COL23A1: variants seen among roughly 807,000 people sequenced by gnomAD.
The protein encoded by COL23A1 is collagen alpha-1(XXIII) chain.
A neutral mutation model predicts 99.3 loss-of-function variants in COL23A1; 97 were observed. The observed-to-expected ratio is 0.98, with a 90% CI of 0.83 to 1.16. The LOEUF is 1.16. Among genes scored for constraint, COL23A1 ranks in the 50% most tolerant of loss-of-function variants. COL23A1 has a pLI of 0.00. For synonymous variants in COL23A1, 320 were observed against 308.2 expected (o/e 1.04, Z -0.40); for missense variants, 762 against 757.4 (o/e 1.01, Z -0.07).
At chr5:178,558,976 G>C (rs1257834023) in intron 2 of COL23A1, among the ~76,000 whole-genome samples, 1 of 152,056 alleles carries the variant, frequency 6.6e-6, no homozygotes, top group Admixed American at 6.6e-5. Flanking sequence ...TTTTTGTAGA[G>C]ACAGGGTTTC....
At chr5:178,486,434 G>A (rs375498873) in intron 2 of COL23A1, among the ~76,000 whole-genome samples, 2 of 152,310 alleles carry the variant, frequency 1.3e-5, no homozygotes, top group East Asian at 1.9e-4. Flanking sequence ...GTCTCAGAGC[G>A]CACTGCGTAA....
intron 2 of COL23A1, chr5:178,344,732 C>T (rs975179902): frequency 5.4e-6 from 2 of 372,472 alleles, no homozygotes; most frequent in South Asian, 5.1e-5. Context: ...AAACCAGAGA[C>T]ACAGAACCTA....
chr5:178,533,529 G>A (rs538252322), intron 2 of COL23A1, among the ~76,000 whole-genome samples: 1 of 152,128 alleles, frequency 6.6e-6, no homozygotes, highest in Non-Finnish European at 1.5e-5. Flanking sequence ...ACACGGTCTC[G>A]CTCTGTCATC....
At chr5:178,379,503 G>C (rs1763259026) in intron 2 of COL23A1, among the ~76,000 whole-genome samples, 1 of 152,010 alleles carries the variant, frequency 6.6e-6, no homozygotes, top group South Asian at 2.1e-4. Context: ...TCTGTATTTT[G>C]GTACTTTTTG....
At chr5:178,576,594 T>C (rs1445700688) in intron 1 of COL23A1, among the ~76,000 whole-genome samples, 4 of 152,130 alleles carry the variant, frequency 2.6e-5, no homozygotes, top group African/African-American at 9.7e-5. Flanking sequence ...GGGTTCACCA[T>C]GCTGGGCTGG....
chr5:178,493,823 CT>C, intron 2 of COL23A1, among the ~76,000 whole-genome samples: 1 of 152,252 alleles, frequency 6.6e-6, no homozygotes, highest in Non-Finnish European at 1.5e-5. Context: ...CTGAGGACCC[CT>C]GGCCCTTGGC....
intron 2 of COL23A1, among the ~76,000 whole-genome samples, chr5:178,414,410 TAA>T (rs11332594): frequency 5.0e-4 from 75 of 148,534 alleles, no homozygotes; most frequent in Admixed American, 6.0e-4. Context: ...ATCCTTTTTT[TAA>T]AAAAAAAAAA....
chr5:178,588,046 A>G (rs1265723666), intron 1 of COL23A1, among the ~76,000 whole-genome samples: 1 of 152,220 alleles, frequency 6.6e-6, no homozygotes, highest in Admixed American at 6.5e-5. Context: ...GAGCAGGACC[A>G]CGTGTGAATG....
At chr5:178,266,899 C>T (rs577540426) in intron 8 of COL23A1, among the ~76,000 whole-genome samples, 2 of 152,366 alleles carry the variant, frequency 1.3e-5, no homozygotes, top group East Asian at 3.9e-4. Flanking sequence ...AACTGAGTCT[C>T]AGAGAGCAAA....
At chr5:178,585,229 C>G in intron 1 of COL23A1, among the ~76,000 whole-genome samples, 1 of 152,180 alleles carries the variant, frequency 6.6e-6, no homozygotes, top group Non-Finnish European at 1.5e-5. Flanking sequence ...ACTGAACCCC[C>G]GCTCTGCCCC....
At chr5:178,409,708 C>T (rs1413786382) in intron 2 of COL23A1, among the ~76,000 whole-genome samples, 5 of 152,060 alleles carry the variant, frequency 3.3e-5, no homozygotes, top group African/African-American at 4.8e-5. Flanking sequence ...AATAAATTGA[C>T]AATATAATCA....
At chr5:178,318,062 T>C (rs1199391087) in intron 2 of COL23A1, among the ~76,000 whole-genome samples, 1 of 152,138 alleles carries the variant, frequency 6.6e-6, no homozygotes, top group African/African-American at 2.4e-5. Context: ...AGCCACACCG[T>C]ATCAGGGAGG....
At chr5:178,526,062 A>G (rs926645158) in intron 2 of COL23A1, among the ~76,000 whole-genome samples, 6 of 152,240 alleles carry the variant, frequency 3.9e-5, no homozygotes, top group African/African-American at 1.4e-4. Flanking sequence ...AGTGCTGGGA[A>G]GGAAGAAAGC....
chr5:178,469,305 C>A (rs1756610174), intron 2 of COL23A1, among the ~76,000 whole-genome samples: 1 of 152,156 alleles, frequency 6.6e-6, no homozygotes, highest in Non-Finnish European at 1.5e-5. Context: ...TAGGCAGGAG[C>A]TTGTTACCCC....
At chr5:178,445,744 G>A (rs1349159549) in intron 2 of COL23A1, among the ~76,000 whole-genome samples, 1 of 151,972 alleles carries the variant, frequency 6.6e-6, no homozygotes, top group African/African-American at 2.4e-5. Flanking sequence ...TCTACTATTA[G>A]GAGGGCAAAG....
At position 178,530,981 on chromosome 5, in the gene COL23A1, C is replaced by T. The variant is rs1309956968; in HGVS notation, c.361+29701G>A. Among the ~76,000 whole-genome samples the T allele has an allele frequency of 1.3e-5, 2 of 152,206 alleles. 1 individual carries two copies. The highest frequency in any genetic ancestry group is 1.3e-4 in the Admixed American group (2 of 15,274). On this transcript the variant is annotated intron_variant, in intron 2 of 28. Transcript: ENST00000390654. ...CTCCTGGGTTCATGAGATTCTCCTG[C>T]CTCAGCCTCCCAAGTAGCTGGGATT...
chr5:178,533,664 ATTTTT>A (rs1760775814), intron 2 of COL23A1, among the ~76,000 whole-genome samples: 1 of 151,934 alleles, frequency 6.6e-6, no homozygotes, highest in Non-Finnish European at 1.5e-5. Context: ...CGCCCGGCTA[ATTTTT>A]GTATTTTTTA....
intron 3 of COL23A1, among the ~76,000 whole-genome samples, chr5:178,291,593 C>T (rs897042606): frequency 4.6e-5 from 7 of 152,152 alleles, no homozygotes; most frequent in South Asian, 2.1e-4. Context: ...CAGCCAAGCC[C>T]GGGGGTTTGT....
intron 5 of COL23A1, among the ~76,000 whole-genome samples, chr5:178,287,843 G>C (rs1757240316): frequency 6.6e-6 from 1 of 152,222 alleles, no homozygotes; most frequent in South Asian, 2.1e-4. Context: ...GCCGGGGCTA[G>C]GACATCTATC....
Sources: gnomAD v4.1 joint callset for allele counts (sites outside exome capture counted in the v4.1 genomes callset) on GRCh38, gnomAD v4.1.1 for gene constraint, MANE v1.5 for transcripts, NCBI Gene and HGNC (gene_info 2026-07-23, HGNC 2026-07-21) for gene names.